The following GNMT variants were observed in gnomAD, a reference collection of about 807,000 sequenced individuals.
GNMT encodes glycine N-methyltransferase, also known as epididymis secretory sperm binding protein Li 182mP.
GNMT carries 26 observed loss-of-function variants against 30.2 expected under a neutral mutation model. The ratio of observed to expected loss-of-function variants is 0.86; its 90% CI spans 0.63 to 1.19. The LOEUF (loss-of-function observed/expected upper bound fraction) is 1.19, where lower values mean the gene tolerates loss of function less well. GNMT is among the 50% of genes most tolerant of loss of function. GNMT has a pLI of 0.00. For synonymous variants in GNMT, 163 were observed against 163.8 expected (o/e 1.00, Z 0.04); for missense variants, 365 against 398.1 (o/e 0.92, Z 0.71).
chr6:42,960,773 G>A lies in GNMT; in HGVS notation c.6G>A (p.Val2=). 1.3e-6 allele frequency: 2 copies of A among 1,534,948 alleles called. No individual in the cohort carries two copies. Among genetic ancestry groups the A allele is most frequent in the Non-Finnish European group, 8.8e-7 (1 of 1,139,992 alleles). ...GGAGCCAGGCGCGGCGCAGGATGGT[G>A]GACAGCGTGTACCGGACCCGCTCCC... M[V]DSVYRTRSLG... The change falls in exon 1 of 6, where the codon GTG becomes GTA. Residue 2 remains valine (V), a synonymous_variant. Coordinates refer to ENST00000372808, the MANE Select transcript of GNMT (RefSeq NM_018960.6).
chr6:42,962,738 C>T (rs2114229248), intron 2 of GNMT, 24 bp from the exon 3 acceptor site: 1 of 1,536,996 alleles, frequency 6.5e-7, no homozygotes, highest in Admixed American at 1.7e-5. Context: ...CTCCCTGATT[C>T]CTCTTTCTCT....
Position 42,960,799 on chromosome 6 carries a change from T to C in GNMT, c.32T>C (p.Leu11Pro). 6.4e-7 allele frequency: 1 copy of C among 1,553,150 alleles called. No individual in the cohort carries two copies. Among genetic ancestry groups the C allele is most frequent in the Non-Finnish European group, 8.7e-7 (1 of 1,150,634 alleles). Residue 11 changes from leucine (L) to proline (P), a missense_variant, in exon 1 of 6, where the codon CTG becomes CCG. Around this residue, in one of 3 missense-constraint regions of GNMT, gnomAD observed 125 missense variants for 112.0 expected, o/e 1.12. Transcript: ENST00000372808. The part of the protein sequence containing the change: MVDSVYRTRS[L>P]GVAAEGLPDQ... Reference sequence around the variant, plus strand: ...GACAGCGTGTACCGGACCCGCTCCCTGGGGGTGGCGGCCGAAGGGCTCCCG... The same window carrying C: ...GACAGCGTGTACCGGACCCGCTCCCCGGGGGTGGCGGCCGAAGGGCTCCCG...
chr6:42,963,529 T>C lies in GNMT; in HGVS notation c.717-6T>C. The C allele has an allele frequency of 1.2e-6, 2 of 1,613,892 alleles. No individual in the cohort carries two copies. The highest frequency in any genetic ancestry group is 1.7e-6 in the Non-Finnish European group (2 of 1,179,852). ...GTCCTCATGGTTGCTGGGGCCTCTG[T>C]TACAGTAAGTTCCGGCTCTCCTACT... is the stretch of plus-strand genomic sequence containing the variant. On this transcript the variant is annotated splice_region_variant and splice_polypyrimidine_tract_variant and intron_variant, in intron 5 of 5. Coordinates refer to ENST00000372808, the MANE Select transcript of GNMT (RefSeq NM_018960.6).
intron 4 of GNMT, 21 bp from the exon 5 acceptor site, chr6:42,963,307 C>T (rs760950411): frequency 2.8e-5 from 45 of 1,599,060 alleles, no homozygotes; most frequent in African/African-American, 6.7e-5. Flanking sequence ...AGGCTAATGC[C>T]GGCTGCCCCA....
Position 42,962,144 on chromosome 6 carries a change from G to T in GNMT, c.207-68G>T. 3.8e-6 allele frequency: 6 copies of T among 1,582,602 alleles called. No homozygotes were observed. In the South Asian group the frequency reaches 6.6e-5, roughly 18 times the overall value. ...TAGAGACAAAAGTGTCCAGTGCAGG[G>T]TCTCCTCCTGGCCCTCCCAGGCTCC... is the stretch of plus-strand genomic sequence containing the variant. On this transcript the variant is annotated intron_variant, in intron 1 of 5. Transcript: ENST00000372808.
At chr6:42,961,899 C>A (rs1050237067) in intron 1 of GNMT, among the ~76,000 whole-genome samples, 1 of 152,090 alleles carries the variant, frequency 6.6e-6, no homozygotes, top group South Asian at 2.1e-4. Context: ...TTTGTGCACA[C>A]GTATTTTAAC....
At chr6:42,962,911 C>T (rs372224028) in intron 3 of GNMT, 33 bp downstream of exon 3, 187 of 1,579,320 alleles carry the variant, frequency 1.2e-4, no homozygotes, top group Middle Eastern at 3.3e-4. Flanking sequence ...GCATGGCCCC[C>T]GCCTTGAGGC....
chr6:42,963,830 T>A lies in GNMT; in HGVS notation c.*124T>A. 1.2e-6 allele frequency: 1 copy of A among 864,916 alleles called. No homozygotes were observed. 53.6% of individuals were successfully genotyped at this position (864,916 alleles called of 1,614,324 possible). A position where few individuals can be genotyped will look rare whatever the true frequency, so the allele number is the denominator to read the frequency against. On this transcript the variant is annotated 3_prime_UTR_variant, in exon 6 of 6. Transcript: ENST00000372808. ...AGACTACAGCTGGGGTGCAGGGATG[T>A]GGGTTCCACAGACGGAAGGGTAAAC...
At position 42,963,436 on chromosome 6, in the gene GNMT, T is replaced by C. The variant is rs1268930508; in HGVS notation, c.703T>C (p.Ser235Pro). 4 of 1,613,404 alleles carry C rather than the reference T, an allele frequency of 2.5e-6. No homozygotes were observed. Among genetic ancestry groups the C allele is most frequent in the Non-Finnish European group, 3.4e-6 (4 of 1,179,864 alleles). The change falls in exon 5 of 6, where the codon TCT becomes CCT. Residue 235 changes from serine (S) to proline (P), a missense_variant. This residue lies in a region of GNMT where 232 missense variants were observed against 263.0 expected (regional missense o/e 0.88). Coordinates refer to ENST00000372808, the MANE Select transcript of GNMT (RefSeq NM_018960.6). The part of the protein sequence containing the change: ...VQVPGAGQDG[S>P]PGLSKFRLSY... ...GGTGCCGGGGGCTGGCCAGGATGGC[T>C]CTCCTGGCTTGAGGTACCACTTGGC...
chr6:42,962,399 T>G, intron 2 of GNMT, 60 bp downstream of exon 2: 4 of 1,586,574 alleles, frequency 2.5e-6, no homozygotes, highest in Non-Finnish European at 3.5e-6. Flanking sequence ...TCATTCTGCC[T>G]GGGGCTCCTT....
At chr6:42,962,906 GC>G (rs1561816259) in intron 3 of GNMT, 28 bp downstream of exon 3, 6 of 1,591,274 alleles carry the variant, frequency 3.8e-6, no homozygotes, top group Admixed American at 1.7e-5. Context: ...CTTGGGCATG[GC>G]CCCCGCCTTG....
chr6:42,960,809 G>T lies in GNMT; in HGVS notation c.42G>T (p.Ala14=). The T allele has an allele frequency of 6.4e-7, 1 of 1,555,230 alleles. No individual in the cohort carries two copies. The highest frequency in any genetic ancestry group is 2.4e-5 in the East Asian group (1 of 41,768). The change falls in exon 1 of 6, where the codon GCG becomes GCT. Residue 14 remains alanine, a synonymous_variant. Coordinates refer to ENST00000372808, the MANE Select transcript of GNMT (RefSeq NM_018960.6). ...SVYRTRSLGV[A]AEGLPDQYAD... The stretch of plus-strand genomic sequence containing the variant: ...ACCGGACCCGCTCCCTGGGGGTGGC[G>T]GCCGAAGGGCTCCCGGACCAGTACG...
chr6:42,960,870 A>G lies in GNMT; in HGVS notation c.103A>G (p.Ile35Val). ...GGCGGCGCGCGTGTGGCAGCTGTAT[A>G]TCGGAGACACCCGCAGCCGCACCGC... Reference protein sequence around the residue: ...GEAARVWQLYIGDTRSRTAEY... With the variant: ...GEAARVWQLYVGDTRSRTAEY... The change falls in exon 1 of 6, where the codon ATC becomes GTC. Residue 35 changes from isoleucine to valine, a missense_variant. By Grantham distance (29) the Ile-to-Val change is conservative. Coordinates refer to ENST00000372808, the MANE Select transcript of GNMT (RefSeq NM_018960.6). 4 of 1,555,604 alleles carry G rather than the reference A, an allele frequency of 2.6e-6. No homozygotes were observed. The highest frequency in any genetic ancestry group is 3.5e-6 in the Non-Finnish European group (4 of 1,153,484).
rs761898237 is a variant in GNMT, at chr6:42,963,642, C to T, written c.824C>T (p.Pro275Leu). 9 of 1,614,196 alleles carry T rather than the reference C, an allele frequency of 5.6e-6. No individual in the cohort carries two copies. In the Admixed American group the frequency reaches 1.5e-4, roughly 27 times the overall value. Reference sequence around the variant, plus strand: ...CACAGCGTCCTGGGCGACTTCAAGCCTTACAAGCCAGGCCAAACCTACATT... The same window carrying T: ...CACAGCGTCCTGGGCGACTTCAAGCTTTACAAGCCAGGCCAAACCTACATT... ...CQHSVLGDFK[P>L]YKPGQTYIPC... The change falls in exon 6 of 6, where the codon CCT (proline) becomes CTT (leucine). Residue 275 changes from proline to leucine, a missense_variant. By Grantham distance (98) the Pro-to-Leu change is moderately conservative. Transcript: ENST00000372808.
Position 42,962,856 on chromosome 6 carries a change from C to G in GNMT, c.429C>G (p.Phe143Leu). Residue 143 changes from phenylalanine (F) to leucine (L), a missense_variant, in exon 3 of 6, where the codon TTC becomes TTG. Phe to Leu is a conservative substitution (Grantham distance 22). Transcript: ENST00000372808. ...CTGTCATCTGCCTTGGAAACAGTTT[C>G]GCTCACTTGCCAGACTGCAAAGGTA... ...FDAVICLGNS[F>L]AHLPDCKGDQ... 1 of 1,613,694 alleles carries G rather than the reference C, an allele frequency of 6.2e-7. No homozygotes were observed. Among genetic ancestry groups the G allele is most frequent in the Middle Eastern group, 1.7e-4 (1 of 6,060 alleles).
chr6:42,963,076 C>A lies in GNMT; in HGVS notation c.456C>A (p.Asp152Glu), dbSNP rs1769505478. 4 of 1,611,724 alleles carry A rather than the reference C, an allele frequency of 2.5e-6. No individual in the cohort carries two copies. The South Asian group carries it at 4.4e-5, about 18-fold the overall frequency. ...SFAHLPDCKGDQSEHRLALKN... is the reference protein window; with the variant it reads ...SFAHLPDCKGEQSEHRLALKN... Reference sequence around the variant, plus strand: ...CTGCCCGTGCCTGGAGCTCAGGGGACCAGAGTGAGCACCGGCTGGCGCTGA... The same window carrying A: ...CTGCCCGTGCCTGGAGCTCAGGGGAACAGAGTGAGCACCGGCTGGCGCTGA... The change falls in exon 4 of 6, where the codon GAC becomes GAA. Residue 152 changes from aspartate (D) to glutamate (E), a missense_variant. Asp to Glu is a conservative substitution (Grantham distance 45). Around this residue, in one of 3 missense-constraint regions of GNMT, gnomAD observed 232 missense variants for 263.0 expected, o/e 0.88. Coordinates refer to ENST00000372808, the MANE Select transcript of GNMT (RefSeq NM_018960.6).
At chr6:42,962,513 G>A (rs1037122954) in intron 2 of GNMT, among the ~76,000 whole-genome samples, 174 bp downstream of exon 2, 6 of 152,112 alleles carry the variant, frequency 3.9e-5, no homozygotes, top group African/African-American at 9.7e-5. Flanking sequence ...GAGACACCGG[G>A]TGTGAAGAGC....
In GNMT at chr6:42,963,789, G is replaced by A. The variant is rs376124702; in HGVS notation, c.*83G>A. On this transcript the variant is annotated 3_prime_UTR_variant, in exon 6 of 6. Coordinates refer to ENST00000372808, the MANE Select transcript of GNMT (RefSeq NM_018960.6). The stretch of plus-strand genomic sequence containing the variant: ...ATGGGGACCAGCAGCCCCACACCAG[G>A]GCCAGCCTCTAGAGCAGACTACAGC... The A allele has an allele frequency of 7.0e-4, 945 of 1,357,236 alleles. 9 individuals carry two copies. The African/African-American group carries it at 0.012, about 17-fold the overall frequency. 84.1% of individuals were successfully genotyped at this position (1,357,236 alleles called of 1,614,324 possible).
chr6:42,962,151 C>T lies in GNMT; in HGVS notation c.207-61C>T, dbSNP rs138577594. ...AAAAGTGTCCAGTGCAGGGTCTCCT[C>T]CTGGCCCTCCCAGGCTCCCCTAACT... On this transcript the variant is annotated intron_variant, in intron 1 of 5. Coordinates refer to ENST00000372808, the MANE Select transcript of GNMT (RefSeq NM_018960.6). 1,992 of 1,605,418 alleles carry T rather than the reference C, an allele frequency of 1.2e-3. 24 individuals are homozygous for T. The African/African-American group carries it at 0.023, about 19-fold the overall frequency.
Sources: allele counts gnomAD v4.1 joint callset (sites outside exome capture counted in the v4.1 genomes callset), GRCh38; gene constraint gnomAD v4.1.1; regional missense constraint gnomAD v4.1.1; transcripts MANE v1.5; gene names NCBI Gene and HGNC (gene_info 2026-07-23, HGNC 2026-07-21).